RAB27A: variants seen among roughly 807,000 people sequenced by gnomAD.
The protein encoded by RAB27A is ras-related protein Rab-27A.
Under a neutral mutation model 20.8 loss-of-function variants are expected in RAB27A, and 17 were observed. The observed-to-expected ratio is 0.82, with a 90% confidence interval of 0.56 to 1.23. The LOEUF is 1.23. Ranked by LOEUF, RAB27A falls within the 50% of genes most tolerant of loss-of-function variation. The probability of loss-of-function intolerance (pLI) is 0.00; values close to 1 mark genes in which losing one functional copy is unlikely to be tolerated. For synonymous variants in RAB27A, 85 were observed against 92.8 expected (o/e 0.92, Z 0.48); for missense variants, 277 against 266.7 (o/e 1.04, Z -0.27).
intron 1 of RAB27A, among the ~76,000 whole-genome samples, chr15:55,286,682 T>TAGAC (rs2141130316): frequency 6.6e-6 from 1 of 152,134 alleles, no homozygotes; most frequent in African/African-American, 2.4e-5. Context: ...AAGGGTTGTA[T>TAGAC]AGACCATGGT....
chr15:55,275,630 A>G (rs952993120), intron 1 of RAB27A, among the ~76,000 whole-genome samples: 3 of 152,120 alleles, frequency 2.0e-5, no homozygotes, highest in Non-Finnish European at 2.9e-5. Flanking sequence ...ACCTCAAAAA[A>G]AAAGAAAGAA....
chr15:55,295,451 T>C (rs1359621265), intron 2 of RAB27A, among the ~76,000 whole-genome samples: 3 of 152,198 alleles, frequency 2.0e-5, no homozygotes, highest in African/African-American at 7.2e-5. Flanking sequence ...TGGAGACAAA[T>C]GGCCACCAAG....
rs370920882 is a variant in RAB27A at position 55,284,279 on chromosome 15, T to C, written c.-143+5437A>G. 8.5e-5 allele frequency among the ~76,000 whole-genome samples: 13 copies of C among 152,322 alleles called. No homozygotes were observed. The East Asian group carries it at 1.7e-3, about 20-fold the overall frequency. ...TCTATCTACCTTGGTCCTTGTCATA[T>C]GTATATCTTCCATATTTATTGTACC... On this transcript the variant is annotated intron_variant, in intron 1 of 6. Transcript: ENST00000336787.
chr15:55,207,947 C>T (rs914340457), intron 6 of RAB27A, among the ~76,000 whole-genome samples: 3 of 152,200 alleles, frequency 2.0e-5, no homozygotes, highest in South Asian at 2.1e-4. Context: ...TGAGCCACCA[C>T]ACCTGGCCAA....
At chr15:55,236,867 C>A (rs1896279028) in intron 2 of RAB27A, among the ~76,000 whole-genome samples, 1 of 152,166 alleles carries the variant, frequency 6.6e-6, no homozygotes. Flanking sequence ...CAAGTCCTCT[C>A]TTCTAGCTAT....
intron 6 of RAB27A, among the ~76,000 whole-genome samples, chr15:55,213,826 C>T (rs1386024217): frequency 1.3e-5 from 2 of 152,080 alleles, no homozygotes; most frequent in Admixed American, 1.3e-4. Flanking sequence ...TTATGGTGAG[C>T]CGTATAATTA....
intron 1 of RAB27A, among the ~76,000 whole-genome samples, chr15:55,272,809 T>C (rs1897747682): frequency 6.6e-6 from 1 of 152,144 alleles, no homozygotes. Flanking sequence ...GGTAACTGAT[T>C]AGCAGACCTC....
Position 55,302,499 on chromosome 15 carries a change from G to A in RAB27A, c.-112+11540C>T, listed in dbSNP as rs530732135. 9.5e-3 allele frequency among the ~76,000 whole-genome samples: 1,434 copies of A among 151,446 alleles called. 15 individuals carry two copies. The highest frequency in any genetic ancestry group is 0.026 in the African/African-American group (1,067 of 41,202). On this transcript the variant is annotated intron_variant, in intron 2 of 5. Coordinates refer to the RAB27A transcript ENST00000563262. Reference sequence around the variant, plus strand: ...GCAGCCTCTGCCCGGCCGCCACCCCGTCTGGGAAGTGAGGAGCGTCTCTGC... The same window carrying A: ...GCAGCCTCTGCCCGGCCGCCACCCCATCTGGGAAGTGAGGAGCGTCTCTGC...
intron 1 of RAB27A, among the ~76,000 whole-genome samples, chr15:55,285,145 T>C (rs909923845): frequency 6.6e-6 from 1 of 152,188 alleles, no homozygotes; most frequent in Non-Finnish European, 1.5e-5. Flanking sequence ...AGTGTTTTTC[T>C]GCAATGCAAA....
chr15:55,288,692 T>C (rs1898224914), intron 1 of RAB27A, among the ~76,000 whole-genome samples: 1 of 151,600 alleles, frequency 6.6e-6, no homozygotes, highest in Non-Finnish European at 1.5e-5. Context: ...TAAACCAACA[T>C]AAAATACAGA....
chr15:55,259,342 A>G (rs1897195132), intron 2 of RAB27A, among the ~76,000 whole-genome samples: 1 of 151,904 alleles, frequency 6.6e-6, no homozygotes, highest in Non-Finnish European at 1.5e-5. Context: ...CTCCAGTGCA[A>G]TGGCACAATC....
At chr15:55,234,198 C>T (rs574965674) in intron 3 of RAB27A, among the ~76,000 whole-genome samples, 1 of 152,284 alleles carries the variant, frequency 6.6e-6, no homozygotes, top group South Asian at 2.1e-4. Flanking sequence ...CTTCTGCCTT[C>T]CCCTCCAACA....
At chr15:55,225,184 G>C (rs555595623) in intron 5 of RAB27A, among the ~76,000 whole-genome samples, 2 of 152,270 alleles carry the variant, frequency 1.3e-5, no homozygotes, top group South Asian at 2.1e-4. Context: ...GGTCTCCAGA[G>C]TGGCTCTGTG....
chr15:55,260,938 A>G (rs1252813476), intron 2 of RAB27A, among the ~76,000 whole-genome samples: 1 of 151,772 alleles, frequency 6.6e-6, no homozygotes, highest in East Asian at 1.9e-4. Context: ...ACTTTGGATG[A>G]TAATGTGTCA....
intron 1 of RAB27A, among the ~76,000 whole-genome samples, chr15:55,280,271 CACTT>C (rs1259399873): frequency 6.6e-6 from 1 of 152,000 alleles, no homozygotes; most frequent in Non-Finnish European, 1.5e-5. Context: ...TCTTCCCACT[CACTT>C]GCTGTGTGAC....
intron 6 of RAB27A, among the ~76,000 whole-genome samples, chr15:55,220,560 C>T (rs1445402598): frequency 1.3e-5 from 2 of 152,142 alleles, no homozygotes; most frequent in African/African-American, 4.8e-5. Flanking sequence ...TATGAGCCAC[C>T]ACACCTGGCC....
At chr15:55,246,056 G>A (rs923047572) in intron 2 of RAB27A, among the ~76,000 whole-genome samples, 2 of 151,882 alleles carry the variant, frequency 1.3e-5, no homozygotes, top group African/African-American at 4.8e-5. Flanking sequence ...CTGGGCGACA[G>A]AGTGAGACTT....
In RAB27A at chr15:55,228,692, G is replaced by A. The variant is rs201697259; in HGVS notation, c.260C>T (p.Ala87Val). 29 of 1,613,346 alleles carry A rather than the reference G, an allele frequency of 1.8e-5. No homozygotes were observed. The highest frequency in any genetic ancestry group is 2.5e-5 in the Non-Finnish European group (29 of 1,179,348). The stretch of plus-strand genomic sequence containing the variant: ...AAAACCCATAGCATCTCTGAAGAAC[G>A]CTGTCGTTAAGCTACGAAACCTAGG... Reference protein sequence around the residue: ...GQERFRSLTTAFFRDAMGFLL... With the variant: ...GQERFRSLTTVFFRDAMGFLL... Residue 87 changes from alanine to valine, a missense_variant, in exon 5 of 7, where the codon GCG becomes GTG. Coordinates refer to ENST00000336787, the MANE Select transcript of RAB27A (RefSeq NM_183235.3).
chr15:55,247,720 A>G (rs1566918895), intron 2 of RAB27A, among the ~76,000 whole-genome samples: 6 of 152,182 alleles, frequency 3.9e-5, no homozygotes, highest in Admixed American at 3.9e-4. Flanking sequence ...CGTGTTAAAC[A>G]TGACTGTCCA....
Sources: allele counts gnomAD v4.1 joint callset (sites outside exome capture counted in the v4.1 genomes callset), GRCh38; gene constraint gnomAD v4.1.1; transcripts MANE v1.5; gene names NCBI Gene and HGNC (gene_info 2026-07-23, HGNC 2026-07-21).